Variants in KCNN1 observed in about 807,000 individuals in gnomAD.
KCNN1 encodes the protein potassium calcium-activated channel subfamily N member 1.
Under a neutral mutation model 44.7 loss-of-function variants are expected in KCNN1, and 20 were observed. The ratio of observed to expected loss-of-function variants is 0.45; its 90% CI spans 0.32 to 0.65. KCNN1 has a LOEUF of 0.65. Ranked by LOEUF, KCNN1 falls within the 30% of genes least tolerant of loss-of-function variation. The pLI is 0.05. For missense variants in KCNN1, 632 were observed against 785.3 expected, an observed-to-expected ratio of 0.80 and a Z score of 2.33; for synonymous variants, 324 against 341.7, an observed-to-expected ratio of 0.95 and a Z score of 0.57.
chr19:17,967,993 T>A (rs890105994), intron 1 of KCNN1, among the ~76,000 whole-genome samples: 1 of 150,172 alleles, frequency 6.7e-6, no homozygotes, highest in Admixed American at 6.6e-5. Context: ...CTGCACTGGC[T>A]CCTGGGCGGC....
rs183732920 is a variant in KCNN1 at position 17,989,678 on chromosome 19, G to A, written c.1171-38G>A. ...CATTTCTGGAGCCTTTTGGAATTTC[G>A]CGCCAACCCTGAGGAATTGTTCTTT... On this transcript the variant is annotated intron_variant, in intron 6 of 9. Transcript: ENST00000684775. 3.4e-4 allele frequency: 547 copies of A among 1,612,476 alleles called. 4 individuals are homozygous for A. In the East Asian group the frequency reaches 9.6e-3, roughly 28 times the overall value.
chr19:17,983,603 G>A lies in KCNN1; in HGVS notation c.917+1476G>A, dbSNP rs998202381. Among the ~76,000 whole-genome samples the A allele has an allele frequency of 9.9e-5, 15 of 152,082 alleles. No individual in the cohort carries two copies. The highest frequency in any genetic ancestry group is 3.6e-4 in the African/African-American group (15 of 41,500). ...CCTTGCAGGGCTCTGGGGGGGTGGG[G>A]CACGGGGCAGGGCCGGCAGGCAGCC... is the stretch of plus-strand genomic sequence containing the variant. On this transcript the variant is annotated intron_variant, in intron 4 of 9. Transcript: ENST00000684775. The surrounding 1 kb of genome is among the most constrained non-coding windows in gnomAD (Gnocchi z 4.5).
At chr19:17,963,725 C>CTTT (rs147435448), upstream of KCNN1, among the ~76,000 whole-genome samples, 34 of 139,758 alleles carry the variant, frequency 2.4e-4, no homozygotes, top group African/African-American at 8.8e-4. Flanking sequence ...ACTTCTGATA[C>CTTT]TTTTTTTTTT....
Position 17,967,375 on chromosome 19 carries a change from C to T in KCNN1, c.-82+58C>T, listed in dbSNP as rs569039978. The stretch of plus-strand genomic sequence containing the variant: ...ATCCAGGATCTGCAGCTCAGGGAGC[C>T]CGAGGAGGGAGGCACGTCTCGGAGG... On this transcript the variant is annotated intron_variant, in intron 1 of 9. Transcript: ENST00000684775. 7.5e-6 allele frequency: 7 copies of T among 927,442 alleles called. No homozygotes were observed. In the East Asian group the frequency reaches 7.1e-4, roughly 94 times the overall value. The allele number at this position is 927,442 out of a possible 1,614,324, so 57.5% of individuals were successfully genotyped here.
chr19:17,998,159 C>A lies in KCNN1; in HGVS notation c.1385C>A (p.Thr462Asn). 6.3e-7 allele frequency: 1 copy of A among 1,592,570 alleles called. No individual in the cohort carries two copies. The highest frequency in any genetic ancestry group is 1.1e-5 in the South Asian group (1 of 88,488). ...CCTCTCTGTCTCCCGCAGACCCAGACCGTCATGTACGACCTTGTATCGGAG... is the reference window on the plus strand; with the variant it reads ...CCTCTCTGTCTCCCGCAGACCCAGAACGTCATGTACGACCTTGTATCGGAG... The part of the protein sequence containing the change: ...NTLTDLAKTQ[T>N]VMYDLVSELH... The change falls in exon 10 of 10, where the codon ACC becomes AAC. Residue 462 changes from threonine (T) to asparagine (N), a missense_variant. Physicochemically the swap from Thr to Asn is moderately conservative, Grantham distance 65 (BLOSUM62 0). Around this residue, in one of 3 missense-constraint regions of KCNN1, gnomAD observed 237 missense variants for 253.0 expected, o/e 0.94. Transcript: ENST00000684775. This position sits in a 1 kb window ranked among gnomAD's most constrained non-coding sequence, Gnocchi z 5.4.
Position 17,984,235 on chromosome 19 carries a change from G to T in KCNN1, c.918-1077G>T, listed in dbSNP as rs2032519739. On this transcript the variant is annotated intron_variant, in intron 4 of 9. Coordinates refer to ENST00000684775, the MANE Select transcript of KCNN1 (RefSeq NM_001386974.1). Reference sequence around the variant, plus strand: ...TGTCCTAGAAGCCCAGACTGGAGGTGCCTGGAGTGGCATTCGACTTCCGCG... The same window carrying T: ...TGTCCTAGAAGCCCAGACTGGAGGTTCCTGGAGTGGCATTCGACTTCCGCG... Among the ~76,000 whole-genome samples the T allele has an allele frequency of 1.3e-5, 2 of 152,054 alleles. 1 individual carries two copies. The highest frequency in any genetic ancestry group is 4.1e-4 in the South Asian group (2 of 4,828).
intron 1 of KCNN1, among the ~76,000 whole-genome samples, chr19:17,968,940 C>T (rs906427475): frequency 3.9e-5 from 6 of 152,148 alleles, no homozygotes; most frequent in African/African-American, 1.4e-4. Context: ...GATCTCCTGC[C>T]TTGGCCTCTT....
At chr19:17,965,009 C>T (rs1283072063), upstream of KCNN1, among the ~76,000 whole-genome samples, 1 of 152,130 alleles carries the variant, frequency 6.6e-6, no homozygotes, top group Non-Finnish European at 1.5e-5. Context: ...GGCGCGGTGG[C>T]TCACGCCTGT....
At chr19:17,970,368 A>G (rs2031976101) in intron 1 of KCNN1, among the ~76,000 whole-genome samples, 1 of 118,174 alleles carries the variant, frequency 8.5e-6, no homozygotes, top group African/African-American at 3.3e-5. Context: ...TCCAGGCTGG[A>G]ATGCAGTGGC....
At chr19:17,988,909 TAAA>T (rs778235667) in intron 6 of KCNN1, among the ~76,000 whole-genome samples, 2 of 137,504 alleles carry the variant, frequency 1.5e-5, no homozygotes, top group Non-Finnish European at 3.2e-5. Context: ...AGACTCCGTT[TAAA>T]AAAAAAAAAA....
chr19:17,992,633 G>A (rs1411414825), intron 7 of KCNN1, among the ~76,000 whole-genome samples: 1 of 152,110 alleles, frequency 6.6e-6, no homozygotes, highest in Non-Finnish European at 1.5e-5. Flanking sequence ...AAAGGGGCGA[G>A]GGCATACACT....
chr19:17,982,422 C>T (rs1006458019), intron 4 of KCNN1: 29 of 414,816 alleles, frequency 7.0e-5, no homozygotes, highest in African/African-American at 5.8e-4. Flanking sequence ...CCCAGCCCCT[C>T]GGCTCCCTGG....
intron 9 of KCNN1, among the ~76,000 whole-genome samples, chr19:17,995,806 G>C (rs550341480): frequency 6.0e-5 from 9 of 149,696 alleles, no homozygotes; most frequent in Non-Finnish European, 1.3e-4. Flanking sequence ...GGCTGGTCTC[G>C]AACTCCTGAC....
upstream of KCNN1, among the ~76,000 whole-genome samples, chr19:17,966,023 GCCTT>G (rs762937340): frequency 0.18 from 21,091 of 117,700 alleles, 1,840 homozygotes; most frequent in Middle Eastern, 0.26. Flanking sequence ...CTGCCTGCCT[GCCTT>G]CCTTCCTTCC....
upstream of KCNN1, among the ~76,000 whole-genome samples, chr19:17,965,847 GC>G (rs2145910412): frequency 6.6e-6 from 1 of 152,178 alleles, no homozygotes; most frequent in African/African-American, 2.4e-5. Flanking sequence ...CCACGGCCGG[GC>G]CTTGTGCAGA....
At chr19:17,959,894 C>T (rs1459154545) in intron 2 of KCNN1, among the ~76,000 whole-genome samples, 1 of 151,588 alleles carries the variant, frequency 6.6e-6, no homozygotes, top group Non-Finnish European at 1.5e-5. Flanking sequence ...ACCAGCCTGG[C>T]CATCATGGTG....
chr19:17,966,850 AG>A (rs988518940), upstream of KCNN1, among the ~76,000 whole-genome samples: 3 of 125,986 alleles, frequency 2.4e-5, no homozygotes, highest in Non-Finnish European at 1.7e-5. Context: ...AATTTTGGGG[AG>A]GGGGTATAGT....
Position 17,993,039 on chromosome 19 carries a change from G to T in KCNN1, c.1299-15G>T. ...TGCCTTGTGATTTTTCTCCTGCTCT[G>T]CCCGGTCCTGCCAGGGCTCAGAAGT... On this transcript the variant is annotated splice_polypyrimidine_tract_variant and intron_variant, in intron 7 of 9. Transcript: ENST00000684775. This position sits in a 1 kb window ranked among gnomAD's most constrained non-coding sequence, Gnocchi z 4.5. 6.2e-7 allele frequency: 1 copy of T among 1,613,520 alleles called. No homozygotes were observed. Among genetic ancestry groups the T allele is most frequent in the Non-Finnish European group, 8.5e-7 (1 of 1,179,710 alleles).
rs1486072611 is a variant in KCNN1, at chr19:17,974,176, G to A, written c.288G>A (p.Arg96=). The A allele has an allele frequency of 6.2e-7, 1 of 1,612,788 alleles. No homozygotes were observed. The highest frequency in any genetic ancestry group is 1.7e-4 in the Middle Eastern group (1 of 6,060). The change falls in exon 2 of 10, where the codon CGG becomes CGA. Residue 96 remains arginine (R), a synonymous_variant. Coordinates refer to ENST00000684775, the MANE Select transcript of KCNN1 (RefSeq NM_001386974.1). The surrounding 1 kb of genome is among the most constrained non-coding windows in gnomAD (Gnocchi z 7.3). The part of the protein sequence containing the change: ...PSNVGHRLGH[R]RALFEKRKRL... ...ATGTGGGCCACCGCCTGGGCCACCG[G>A]CGGGCGCTCTTCGAGAAGCGGAAGC...
Sources: allele counts gnomAD v4.1 joint callset (sites outside exome capture counted in the v4.1 genomes callset), GRCh38; gene constraint gnomAD v4.1.1; regional missense constraint gnomAD v4.1.1; non-coding constraint Gnocchi (gnomAD v3.1); transcripts MANE v1.5; gene names NCBI Gene and HGNC (gene_info 2026-07-23, HGNC 2026-07-21).